ULK1: variants seen among roughly 807,000 people sequenced by gnomAD.
ULK1 encodes serine/threonine-protein kinase ULK1.
In ULK1, 48 loss-of-function variants were observed where a neutral mutation model predicts 117.5. That is an observed-to-expected ratio of 0.41 (90% confidence interval 0.32 to 0.52). The LOEUF (loss-of-function observed/expected upper bound fraction) is 0.52, where lower values mean the gene tolerates loss of function less well. Ranked by LOEUF, ULK1 falls within the 20% of genes least tolerant of loss-of-function variation. The pLI, the probability that ULK1 is intolerant of heterozygous loss-of-function variation, is 0.29. For synonymous variants in ULK1, 790 were observed against 637.8 expected (o/e 1.24, Z -3.60); for missense variants, 1,387 against 1,473.4 (o/e 0.94, Z 0.96).
chr12:131,909,375 G>C, intron 8 of ULK1, 138 bp downstream of exon 8: 1 of 984,762 alleles, frequency 1.0e-6, no homozygotes, highest in East Asian at 2.8e-5. Context: ...GGGCGTCCAG[G>C]GGTCCAGTGG....
At position 131,907,010 on chromosome 12, in the gene ULK1, G is replaced by T. The variant is rs1773357428; in HGVS notation, c.279+86G>T. 1.9e-6 allele frequency: 3 copies of T among 1,571,452 alleles called. No homozygotes were observed. The African/African-American group carries it at 4.1e-5, about 21-fold the overall frequency. On this transcript the variant is annotated intron_variant, in intron 4 of 27. Transcript: ENST00000321867. ...CAGGGAGGGACATGGCTGGGGGGAG[G>T]GTGATGAGCACCTTTTCTTTTTTTT...
Position 131,895,788 on chromosome 12 carries a change from G to C in ULK1, c.210G>C (p.Leu70=). The change falls in exon 3 of 28, where the codon CTG becomes CTC. Residue 70 remains leucine (L), a synonymous_variant. Coordinates refer to ENST00000321867, the MANE Select transcript of ULK1 (RefSeq NM_003565.4). ...LGKEIKILKE[L]KHENIVALYD... ...AACTTGGGTTTCTGTCCTAGGAACT[G>C]AAACATGAAAACATCGTGGCCCTGT... is the stretch of plus-strand genomic sequence containing the variant. 1 of 1,614,144 alleles carries C rather than the reference G, an allele frequency of 6.2e-7. No homozygotes were observed. The highest frequency in any genetic ancestry group is 8.5e-7 in the Non-Finnish European group (1 of 1,180,004).
In ULK1 at chr12:131,915,319, C is replaced by T. The variant is rs202210086; in HGVS notation, c.1523-16C>T. ...CTGTCCCAGCTGGACCCTGACAGATCTCTCTTTTCCCCAAGTTGGAACCAT... is the reference window on the plus strand; with the variant it reads ...CTGTCCCAGCTGGACCCTGACAGATTTCTCTTTTCCCCAAGTTGGAACCAT... On this transcript the variant is annotated splice_polypyrimidine_tract_variant and intron_variant, in intron 17 of 27. Transcript: ENST00000321867. The T allele has an allele frequency of 6.2e-6, 10 of 1,612,486 alleles. No individual in the cohort carries two copies. In the African/African-American group the frequency reaches 1.2e-4, roughly 19 times the overall value.
In ULK1 at chr12:131,910,363, G is replaced by A. The variant is rs189349825; in HGVS notation, c.859+59G>A. The A allele has an allele frequency of 2.9e-4, 465 of 1,608,420 alleles. No individual in the cohort carries two copies. Among genetic ancestry groups the A allele is most frequent in the Middle Eastern group, 6.6e-4 (4 of 6,054 alleles). ...GCCCTGCATGCACCCCTTCCTCCCC[G>A]GGTTTGGTTAGGGCACTGAGTGTGG... On this transcript the variant is annotated intron_variant, in intron 11 of 27. Transcript: ENST00000321867.
At chr12:131,908,385 C>T (rs1288553135) in intron 5 of ULK1, among the ~76,000 whole-genome samples, 5 of 152,114 alleles carry the variant, frequency 3.3e-5, no homozygotes, top group Non-Finnish European at 7.4e-5. Flanking sequence ...TGGGCTTCGG[C>T]GGCCTCCCGT....
rs1384029804 is a variant in ULK1 at position 131,921,186 on chromosome 12, G to A, written c.3048G>A (p.Gly1016=). The change falls in exon 27 of 28, where the codon GGG becomes GGA. Residue 1016 remains glycine, a synonymous_variant. Coordinates refer to ENST00000321867, the MANE Select transcript of ULK1 (RefSeq NM_003565.4). ...RYHKALLLLE[G]LQHMLSDQAD... ...ACAAGGCCCTGCTGCTCCTGGAGGG[G>A]CTGCAGCACATGCTCTCGGACCAGG... 2 of 1,606,204 alleles carry A rather than the reference G, an allele frequency of 1.2e-6. No individual in the cohort carries two copies. The highest frequency in any genetic ancestry group is 2.7e-5 in the African/African-American group (2 of 75,058).
chr12:131,913,289 A>G (rs752393108), intron 14 of ULK1, 31 bp downstream of exon 14: 1 of 1,512,596 alleles, frequency 6.6e-7, no homozygotes, highest in Admixed American at 2.3e-5. Flanking sequence ...TCTGTATTTT[A>G]GGGGAGAGAA....
chr12:131,920,216 G>A, intron 26 of ULK1, 80 bp downstream of exon 26: 1 of 1,531,124 alleles, frequency 6.5e-7, no homozygotes, highest in Non-Finnish European at 8.8e-7. Context: ...GGACCTTGAT[G>A]CCCACAGCGT....
intron 3 of ULK1, among the ~76,000 whole-genome samples, chr12:131,904,545 G>C (rs1436516033): frequency 6.6e-6 from 1 of 152,204 alleles, no homozygotes; most frequent in African/African-American, 2.4e-5. Context: ...CCCAGAGGGA[G>C]CTCCTGTCCC....
At position 131,920,067 on chromosome 12, in the gene ULK1, G is replaced by A; in HGVS notation, c.2892G>A (p.Lys964=). The A allele has an allele frequency of 1.2e-6, 2 of 1,612,844 alleles. No individual in the cohort carries two copies. Among genetic ancestry groups the A allele is most frequent in the South Asian group, 2.2e-5 (2 of 91,088 alleles). The stretch of plus-strand genomic sequence containing the variant: ...GGCTGCAGCGCTTCTTCCTGGACAA[G>A]CAGCGGCTCCTGGACCGCATTCACA... The part of the protein sequence containing the change: ...SLRLQRFFLD[K]QRLLDRIHSI... The change falls in exon 26 of 28, where the codon AAG becomes AAA. Residue 964 remains lysine, a synonymous_variant. Coordinates refer to ENST00000321867, the MANE Select transcript of ULK1 (RefSeq NM_003565.4).
rs142941698 is a variant in ULK1, at chr12:131,906,763, G to A, written c.247-129G>A. ...TGGCCCAGAGATGTCCTCGTCTCCCGGCCGCTGGCTGACCAGCTAAGTCCT... is the reference window on the plus strand; with the variant it reads ...TGGCCCAGAGATGTCCTCGTCTCCCAGCCGCTGGCTGACCAGCTAAGTCCT... On this transcript the variant is annotated intron_variant, in intron 3 of 27. Transcript: ENST00000321867. The A allele has an allele frequency of 1.3e-4, 147 of 1,169,068 alleles. No individual in the cohort carries two copies. In the African/African-American group the frequency reaches 1.8e-3, roughly 14 times the overall value. 72.4% of individuals were successfully genotyped at this position (1,169,068 alleles called of 1,614,324 possible).
rs533809406 is a variant in ULK1 at position 131,903,641 on chromosome 12, G to C, written c.247-3251G>C. 6.6e-6 allele frequency among the ~76,000 whole-genome samples: 1 copy of C among 152,308 alleles called. No homozygotes were observed. Among genetic ancestry groups the C allele is most frequent in the East Asian group, 1.9e-4 (1 of 5,190 alleles). ...GGGAAGACCCGAATGCCTGTGGTGAGGTGGATGCCCCCACCCTACCCTGCA... is the reference window on the plus strand; with the variant it reads ...GGGAAGACCCGAATGCCTGTGGTGACGTGGATGCCCCCACCCTACCCTGCA... On this transcript the variant is annotated intron_variant, in intron 3 of 27. Transcript: ENST00000321867. The surrounding 1 kb of genome is among the most constrained non-coding windows in gnomAD (Gnocchi z 6.0).
intron 3 of ULK1, among the ~76,000 whole-genome samples, chr12:131,901,846 G>A (rs1299256505): frequency 1.3e-5 from 2 of 152,062 alleles, no homozygotes; most frequent in Non-Finnish European, 2.9e-5. Flanking sequence ...GGAATGTGAG[G>A]AGTTGGCGTC....
rs776357591 is a variant in ULK1 at position 131,916,560 on chromosome 12, C to T, written c.2041C>T (p.Pro681Ser). The part of the protein sequence containing the change: ...HGQPLGPGLR[P>S]GEDPKGPFGR... ...TCAGCCGTTGGGCCCTGGCCTGCGGCCAGGCGAGGACCCCAAGGGCCCCTT... is the reference window on the plus strand; with the variant it reads ...TCAGCCGTTGGGCCCTGGCCTGCGGTCAGGCGAGGACCCCAAGGGCCCCTT... The change falls in exon 20 of 28, where the codon CCA becomes TCA. Residue 681 changes from proline (P) to serine (S), a missense_variant. By Grantham distance (74) the Pro-to-Ser change is moderately conservative. Transcript: ENST00000321867. The T allele has an allele frequency of 3.7e-6, 6 of 1,600,606 alleles. No individual in the cohort carries two copies. The South Asian group carries it at 5.5e-5, about 15-fold the overall frequency.
In ULK1 at chr12:131,911,488, G is replaced by T. The variant is rs537229149; in HGVS notation, c.949-454G>T. 2.0e-4 allele frequency among the ~76,000 whole-genome samples: 31 copies of T among 152,352 alleles called. 1 individual carries two copies. In the South Asian group the frequency reaches 6.4e-3, roughly 32 times the overall value. On this transcript the variant is annotated intron_variant, in intron 12 of 27. Coordinates refer to ENST00000321867, the MANE Select transcript of ULK1 (RefSeq NM_003565.4). ...GGCACTTGGGGCTTTAGCCACCACC[G>T]CACGGATGGTGTGCCCTGGGCCTTA...
Position 131,917,547 on chromosome 12 carries a change from G to A in ULK1, c.2319G>A (p.Met773Ile), listed in dbSNP as rs1349316215. Residue 773 changes from methionine (M) to isoleucine (I), a missense_variant, in exon 22 of 28, where the codon ATG becomes ATA. Physicochemically the swap from Met to Ile is conservative, Grantham distance 10. Coordinates refer to ENST00000321867, the MANE Select transcript of ULK1 (RefSeq NM_003565.4). ...STPPQGPRTRMFSAGPTGSAS... is the reference protein window; with the variant it reads ...STPPQGPRTRIFSAGPTGSAS... ...CCCCCCAGGGCCCCCGCACCAGGATGTTCTCAGGTGAGGGCTGGCTAGGCT... is the reference window on the plus strand; with the variant it reads ...CCCCCCAGGGCCCCCGCACCAGGATATTCTCAGGTGAGGGCTGGCTAGGCT... 28 of 1,430,762 alleles carry A rather than the reference G, an allele frequency of 2.0e-5. No homozygotes were observed. Among genetic ancestry groups the A allele is most frequent in the Non-Finnish European group, 2.4e-5 (26 of 1,087,042 alleles). The allele number at this position is 1,430,762 out of a possible 1,614,324, so 88.6% of individuals were successfully genotyped here.
In ULK1 at chr12:131,895,044, G is replaced by A. The variant is rs1415789300; in HGVS notation, c.43G>A (p.Glu15Lys). 1 of 1,575,178 alleles carries A rather than the reference G, an allele frequency of 6.3e-7. No homozygotes were observed. Among genetic ancestry groups the A allele is most frequent in the East Asian group, 2.4e-5 (1 of 41,954 alleles). The stretch of plus-strand genomic sequence containing the variant: ...CGGCACAGAGACCGTGGGCAAGTTC[G>A]AGTTCTCCCGCAAGGACCTGATCGG... Reference protein sequence around the residue: ...RGGTETVGKFEFSRKDLIGHG... With the variant: ...RGGTETVGKFKFSRKDLIGHG... Residue 15 changes from glutamate to lysine, a missense_variant, in exon 1 of 28, where the codon GAG becomes AAG. This residue lies in a region of ULK1 where 224 missense variants were observed against 325.2 expected (regional missense o/e 0.69). Transcript: ENST00000321867.
At chr12:131,906,742 CCAGAGATGTCCT>C (rs1889292159) in intron 3 of ULK1, 138 bp from the exon 4 acceptor site, 1 of 914,984 alleles carries the variant, frequency 1.1e-6, no homozygotes, top group Admixed American at 1.9e-5. Context: ...AGCACGTGGC[CCAGAGATGTCCT>C]CGTCTCCCGG....
At chr12:131,907,006 G>C in intron 4 of ULK1, 82 bp downstream of exon 4, 1 of 1,582,600 alleles carries the variant, frequency 6.3e-7, no homozygotes. Context: ...ATGGCTGGGG[G>C]GAGGGTGATG....
Sources: gnomAD v4.1 joint callset for allele counts (sites outside exome capture counted in the v4.1 genomes callset) on GRCh38, gnomAD v4.1.1 for gene constraint, gnomAD v4.1.1 regional missense constraint, Gnocchi (gnomAD v3.1) non-coding constraint, MANE v1.5 for transcripts, NCBI Gene and HGNC (gene_info 2026-07-23, HGNC 2026-07-21) for gene names.